Variants in KLRK1 observed in about 807,000 individuals in gnomAD.
KLRK1 encodes NKG2-D type II integral membrane protein.
Under a neutral mutation model 31.3 loss-of-function variants are expected in KLRK1, and 40 were observed. The observed-to-expected ratio is 1.28, with a 90% CI of 0.99 to 1.67. The LOEUF (loss-of-function observed/expected upper bound fraction) is 1.67. Among genes scored for constraint, KLRK1 ranks in the 40% most tolerant of loss-of-function variants. KLRK1 has a pLI of 0.00. For missense variants in KLRK1, 251 were observed against 260.0 expected (o/e 0.97, Z 0.24); for synonymous variants, 77 against 77.3 (o/e 1.00, Z 0.02).
chr12:10,386,448 A>T (rs1194631853), intron 3 of KLRK1, among the ~76,000 whole-genome samples: 1 of 152,110 alleles, frequency 6.6e-6, no homozygotes, highest in Non-Finnish European at 1.5e-5. Context: ...TACAAACTAT[A>T]TAAAGGTCTA....
intron 3 of KLRK1, among the ~76,000 whole-genome samples, chr12:10,380,088 C>G (rs1361627098): frequency 1.0e-5 from 1 of 98,762 alleles, no homozygotes; most frequent in Non-Finnish European, 1.8e-5. Flanking sequence ...TTTTTTGAGA[C>G]GGAGTCTCGC....
chr12:10,378,164 C>T lies in KLRK1; in HGVS notation c.501G>A (p.Gln167=), dbSNP rs1863000070. Residue 167 remains glutamine, a synonymous_variant, in exon 7 of 8, where the codon CAG becomes CAA. Coordinates refer to ENST00000240618, the MANE Select transcript of KLRK1 (RefSeq NM_007360.4). ...GTGAGAGAATGGAGCCATCTTCCCA[C>T]TGCCAAGATCCATTTGTTGGAATGT... The part of the protein sequence containing the change: ...LVHIPTNGSW[Q]WEDGSILSPN... 1.2e-6 allele frequency: 2 copies of T among 1,614,134 alleles called. No individual in the cohort carries two copies. The highest frequency in any genetic ancestry group is 1.3e-5 in the African/African-American group (1 of 75,062).
chr12:10,378,783 T>G (rs890659174), intron 5 of KLRK1, 78 bp from the exon 6 acceptor site: 1 of 1,440,060 alleles, frequency 6.9e-7, no homozygotes, highest in Non-Finnish European at 9.3e-7. Context: ...ATTAAATGCC[T>G]TTTTCACTCC....
chr12:10,384,686 G>C (rs886633603), intron 3 of KLRK1, among the ~76,000 whole-genome samples: 24 of 151,958 alleles, frequency 1.6e-4, no homozygotes, highest in African/African-American at 5.3e-4. Flanking sequence ...ATTAGTCTAG[G>C]CAAAGATTTT....
At chr12:10,389,042 TTTC>T in intron 1 of KLRK1, 167 bp from the exon 2 acceptor site, 1 of 486,962 alleles carries the variant, frequency 2.1e-6, no homozygotes, top group East Asian at 3.0e-5. Context: ...ATTTTATACA[TTTC>T]TCTTGGTTGT....
At chr12:10,373,460 C>G (rs980920877) in intron 7 of KLRK1, among the ~76,000 whole-genome samples, 2 of 152,124 alleles carry the variant, frequency 1.3e-5, no homozygotes, top group East Asian at 3.8e-4. Context: ...CTAGCCAATT[C>G]TGAAGTCTAA....
At chr12:10,378,023 T>G in intron 7 of KLRK1, 109 bp downstream of exon 7, 1 of 1,162,920 alleles carries the variant, frequency 8.6e-7, no homozygotes, top group Non-Finnish European at 1.2e-6. Flanking sequence ...CTAAATCTAT[T>G]AGAATGTGCA....
At chr12:10,384,373 A>C (rs752947109) in intron 3 of KLRK1, among the ~76,000 whole-genome samples, 2 of 152,128 alleles carry the variant, frequency 1.3e-5, no homozygotes, top group Non-Finnish European at 2.9e-5. Flanking sequence ...TACAACAACC[A>C]AAACAGTATG....
In KLRK1 at chr12:10,372,576, G is replaced by C. The variant is rs1176054921; in HGVS notation, c.*538C>G. 1 of 157,448 alleles carries C rather than the reference G, an allele frequency of 6.4e-6. No homozygotes were observed. The highest frequency in any genetic ancestry group is 1.9e-4 in the East Asian group (1 of 5,206). The allele number at this position is 157,448 out of a possible 1,614,324, so 9.8% of individuals were successfully genotyped here. On this transcript the variant is annotated 3_prime_UTR_variant, in exon 8 of 8. Coordinates refer to ENST00000240618, the MANE Select transcript of KLRK1 (RefSeq NM_007360.4). ...CGTCCTAAGATCTTACTTAAGGCTGGAGAATAATGCCTTTAAGATAATCAT... is the reference window on the plus strand; with the variant it reads ...CGTCCTAAGATCTTACTTAAGGCTGCAGAATAATGCCTTTAAGATAATCAT...
intron 5 of KLRK1, 106 bp downstream of exon 5, chr12:10,379,341 A>G: frequency 1.7e-6 from 1 of 580,366 alleles, no homozygotes; most frequent in South Asian, 4.7e-5. Context: ...ATTACAGACT[A>G]GAATTAATTA....
chr12:10,383,735 A>G (rs1294176554), intron 3 of KLRK1, among the ~76,000 whole-genome samples: 1 of 152,144 alleles, frequency 6.6e-6, no homozygotes, highest in Non-Finnish European at 1.5e-5. Context: ...TCATCAGGAC[A>G]GACCATATGC....
chr12:10,386,103 T>G (rs1236930561), intron 3 of KLRK1, among the ~76,000 whole-genome samples: 2 of 151,974 alleles, frequency 1.3e-5, no homozygotes, highest in Non-Finnish European at 2.9e-5. Context: ...ACAGATCTAA[T>G]TTTTGACGGA....
intron 4 of KLRK1, 53 bp from the exon 5 acceptor site, chr12:10,379,535 A>G: frequency 7.5e-7 from 1 of 1,327,242 alleles, no homozygotes; most frequent in Non-Finnish European, 1.0e-6. Context: ...AACTTATAGT[A>G]TAAGCAAATA....
chr12:10,386,892 A>T lies in KLRK1; in HGVS notation c.148+11T>A. 3 of 1,607,252 alleles carry T rather than the reference A, an allele frequency of 1.9e-6. No homozygotes were observed. The highest frequency in any genetic ancestry group is 1.1e-5 in the South Asian group (1 of 90,512). On this transcript the variant is annotated intron_variant, in intron 3 of 7. Coordinates refer to ENST00000240618, the MANE Select transcript of KLRK1 (RefSeq NM_007360.4). ...TATACTGAGAGTAGACAAATGGAAC[A>T]TAGGACTTACCATTTTCTCTACATT...
At chr12:10,378,022 T>C (rs1257667738) in intron 7 of KLRK1, 110 bp downstream of exon 7, 7 of 1,155,364 alleles carry the variant, frequency 6.1e-6, no homozygotes, top group Non-Finnish European at 8.6e-6. Flanking sequence ...ACTAAATCTA[T>C]TAGAATGTGC....
At chr12:10,382,865 G>C (rs1334906092) in intron 3 of KLRK1, among the ~76,000 whole-genome samples, 3 of 152,134 alleles carry the variant, frequency 2.0e-5, no homozygotes, top group Non-Finnish European at 2.9e-5. Flanking sequence ...TTAAAGTGTA[G>C]AGTTGTTTAG....
chr12:10,389,233 C>T (rs2045876), intron 1 of KLRK1, among the ~76,000 whole-genome samples: 121,741 of 152,112 alleles, frequency 0.8, 48,758 homozygotes, highest in South Asian at 0.88. Context: ...CAAGTGTTTC[C>T]AGTTGTTTAT....
intron 2 of KLRK1, among the ~76,000 whole-genome samples, chr12:10,387,422 A>G (rs1253356142): frequency 1.3e-5 from 2 of 152,174 alleles, no homozygotes; most frequent in South Asian, 2.1e-4. Context: ...CCTAATTTGC[A>G]AAAGACGAAA....
chr12:10,386,871 C>T (rs947729056), intron 3 of KLRK1, 32 bp downstream of exon 3: 5 of 1,558,562 alleles, frequency 3.2e-6, no homozygotes, highest in Non-Finnish European at 4.4e-6. Flanking sequence ...TTTCAATATA[C>T]TGAGAGTAGA....
Sources: allele counts gnomAD v4.1 joint callset (sites outside exome capture counted in the v4.1 genomes callset), GRCh38; gene constraint gnomAD v4.1.1; transcripts MANE v1.5; gene names NCBI Gene and HGNC (gene_info 2026-07-23, HGNC 2026-07-21).